Variants in FRMPD1 observed in about 807,000 individuals in gnomAD.
The protein encoded by FRMPD1 is FERM and PDZ domain-containing protein 1.
In FRMPD1, 76 loss-of-function variants were observed where a neutral mutation model predicts 117.8. The observed-to-expected ratio is 0.65, with a 90% CI of 0.54 to 0.78. FRMPD1 has a LOEUF of 0.78. Ranked by LOEUF, FRMPD1 falls within the 30% of genes least tolerant of loss-of-function variation. FRMPD1 has a pLI of 0.00. For missense variants in FRMPD1, 1,786 were observed against 1,964.5 expected (o/e 0.91, Z 1.72); for synonymous variants, 783 against 770.4 (o/e 1.02, Z -0.27).
the FRMPD1 span, among the ~76,000 whole-genome samples, chr9:37,618,882 G>C: frequency 6.6e-6 from 1 of 152,142 alleles, no homozygotes; most frequent in Non-Finnish European, 1.5e-5. Flanking sequence ...CCTTTAGTGG[G>C]AGGAGGCAAA....
the FRMPD1 span, among the ~76,000 whole-genome samples, chr9:37,639,030 C>T: frequency 6.6e-6 from 1 of 152,202 alleles, no homozygotes; most frequent in Non-Finnish European, 1.5e-5. Context: ...TAGATCCAAA[C>T]AACTTAATAA....
intron 4 of FRMPD1, 125 bp from the exon 5 acceptor site, chr9:37,711,225 G>T (rs1177009760): frequency 2.9e-6 from 2 of 686,824 alleles, no homozygotes; most frequent in East Asian, 2.6e-5. Flanking sequence ...GGCAAAGGAG[G>T]CTGCTTTATA....
chr9:37,655,722 C>T (rs565613333), intron 1 of FRMPD1, among the ~76,000 whole-genome samples: 63 of 152,046 alleles, frequency 4.1e-4, no homozygotes, highest in African/African-American at 1.5e-3. Context: ...CCAGGCTGGT[C>T]TCGAACTCCT....
chr9:37,605,215 C>T, the FRMPD1 span, among the ~76,000 whole-genome samples: 1 of 152,188 alleles, frequency 6.6e-6, no homozygotes, highest in Non-Finnish European at 1.5e-5. Context: ...CTGAATGGAA[C>T]CCAGCAGACT....
chr9:37,744,563 C>A lies in FRMPD1; in HGVS notation c.2531C>A (p.Thr844Asn), dbSNP rs1481529758. The A allele has an allele frequency of 1.2e-6, 2 of 1,614,034 alleles. No individual in the cohort carries two copies. Among genetic ancestry groups the A allele is most frequent in the African/African-American group, 1.3e-5 (1 of 74,922 alleles). The change falls in exon 16 of 16, where the codon ACC becomes AAC. Residue 844 changes from threonine (T) to asparagine (N), a missense_variant. By Grantham distance (65) the Thr-to-Asn change is moderately conservative. Transcript: ENST00000377765. ...AGGAAAAGAAGGTCTTTCCTACAGA[C>A]CGACTACACCTCTCAGGTCTCATTT... ...TLRKRRSFLQ[T>N]DYTSQVSFPL...
intron 1 of FRMPD1, among the ~76,000 whole-genome samples, chr9:37,672,357 G>C (rs1039488649): frequency 2.0e-5 from 3 of 151,738 alleles, no homozygotes; most frequent in African/African-American, 7.3e-5. Flanking sequence ...GGGAAGTGGA[G>C]AGCAGTAAGA....
chr9:37,671,016 C>A (rs1260323114), intron 1 of FRMPD1, among the ~76,000 whole-genome samples: 1 of 152,194 alleles, frequency 6.6e-6, no homozygotes, highest in Non-Finnish European at 1.5e-5. Flanking sequence ...ACTTCCAGAA[C>A]TAACTTCTTT....
At chr9:37,707,667 A>C (rs547480754) in intron 3 of FRMPD1, 94 bp downstream of exon 3, 2 of 1,043,588 alleles carry the variant, frequency 1.9e-6, no homozygotes, top group Admixed American at 4.4e-5. Context: ...AACAAAATGC[A>C]GAAAATCCTA....
At chr9:37,656,215 G>A (rs1886909) in intron 1 of FRMPD1, among the ~76,000 whole-genome samples, 92,613 of 151,954 alleles carry the variant, frequency 0.61, 29,409 homozygotes, top group African/African-American at 0.79. Flanking sequence ...ATCTGAAATG[G>A]TTTGAGTCAA....
Position 37,711,232 on chromosome 9 carries a change from T to C in FRMPD1, c.363-118T>C, listed in dbSNP as rs1822897836. On this transcript the variant is annotated intron_variant, in intron 4 of 15. Transcript: ENST00000377765. ...AAAGCTAAGGCAAAGGAGGCTGCTT[T>C]ATACTCATTCTGCCAGTCTTTTTGA... 10 of 744,882 alleles carry C rather than the reference T, an allele frequency of 1.3e-5. No individual in the cohort carries two copies. The South Asian group carries it at 1.5e-4, about 11-fold the overall frequency. The allele number at this position is 744,882 out of a possible 1,614,324, so 46.1% of individuals were successfully genotyped here.
At chr9:37,697,886 A>G (rs184876085) in intron 2 of FRMPD1, among the ~76,000 whole-genome samples, 24 of 152,302 alleles carry the variant, frequency 1.6e-4, no homozygotes, top group Admixed American at 7.2e-4. Flanking sequence ...GGAAGCCAAG[A>G]TGGGCAGATC....
chr9:37,650,192 C>T (rs1420066052), upstream of FRMPD1, among the ~76,000 whole-genome samples: 1 of 152,092 alleles, frequency 6.6e-6, no homozygotes, highest in Non-Finnish European at 1.5e-5. Context: ...GAGTTCAGCA[C>T]GGAAAATAGT....
chr9:37,671,678 A>G (rs1163059467), intron 1 of FRMPD1, among the ~76,000 whole-genome samples: 1 of 152,188 alleles, frequency 6.6e-6, no homozygotes, highest in Non-Finnish European at 1.5e-5. Context: ...CCTGAAAACT[A>G]ATTGGGGGCT....
intron 5 of FRMPD1, among the ~76,000 whole-genome samples, chr9:37,716,873 T>C (rs1200954617): frequency 6.6e-6 from 1 of 152,168 alleles, no homozygotes; most frequent in Non-Finnish European, 1.5e-5. Context: ...GCCCCCCAAA[T>C]TCTTGCTGCC....
At chr9:37,673,384 C>T (rs560747617) in intron 1 of FRMPD1, among the ~76,000 whole-genome samples, 6 of 152,316 alleles carry the variant, frequency 3.9e-5, no homozygotes, top group East Asian at 3.9e-4. Flanking sequence ...TGGGCAGCTC[C>T]GCCCCTGTGG....
chr9:37,708,192 G>C (rs968525045), intron 3 of FRMPD1, among the ~76,000 whole-genome samples: 1 of 152,184 alleles, frequency 6.6e-6, no homozygotes, highest in African/African-American at 2.4e-5. Context: ...AACATCCCTG[G>C]AAGTTGGTGA....
the FRMPD1 span, among the ~76,000 whole-genome samples, chr9:37,638,441 C>T: frequency 2.0e-5 from 3 of 152,158 alleles, no homozygotes; most frequent in Non-Finnish European, 4.4e-5. Flanking sequence ...TGGAGAGCAG[C>T]CTGACAATGC....
At chr9:37,620,184 C>T in the FRMPD1 span, among the ~76,000 whole-genome samples, 1 of 152,128 alleles carries the variant, frequency 6.6e-6, no homozygotes, top group South Asian at 2.1e-4. Context: ...TCCATTTTAC[C>T]CTTCACTTCT....
rs368503284 is a variant in FRMPD1, at chr9:37,708,412, C to T, written c.273C>T (p.His91=). 6.0e-5 allele frequency: 97 copies of T among 1,610,124 alleles called. No homozygotes were observed. Among genetic ancestry groups the T allele is most frequent in the Non-Finnish European group, 7.0e-5 (82 of 1,176,382 alleles). ...VVAVTAGGSA[H]GKLFPGDQIL... is the part of the protein sequence containing the mutation. ...TCTGTCCAACAGGAGGCTCTGCTCA[C>T]GGCAAGCTTTTCCCTGGTGATCAGA... The change falls in exon 4 of 16, where the codon CAC becomes CAT. Residue 91 remains histidine, a synonymous_variant. Transcript: ENST00000377765.
Sources: gnomAD v4.1 joint callset for allele counts (sites outside exome capture counted in the v4.1 genomes callset) on GRCh38, gnomAD v4.1.1 for gene constraint, MANE v1.5 for transcripts, NCBI Gene and HGNC (gene_info 2026-07-23, HGNC 2026-07-21) for gene names.